Variants in CNTNAP5 observed in about 807,000 individuals in gnomAD.
CNTNAP5 encodes contactin associated protein family member 5, also known as contactin-associated protein-like 5.
A neutral mutation model predicts 150.2 loss-of-function variants in CNTNAP5; 72 were observed. The ratio of observed to expected loss-of-function variants is 0.48; its 90% CI spans 0.40 to 0.58. The LOEUF is 0.58. Ranked by LOEUF, CNTNAP5 falls within the 20% of genes least tolerant of loss-of-function variation. CNTNAP5 has a pLI of 0.00. For synonymous variants in CNTNAP5, 672 were observed against 619.8 expected (o/e 1.08, Z -1.25); for missense variants, 1,636 against 1,626.2 (o/e 1.01, Z -0.10).
At chr2:124,819,825 C>T (rs1258494051) in intron 19 of CNTNAP5, among the ~76,000 whole-genome samples, 1 of 152,168 alleles carries the variant, frequency 6.6e-6, no homozygotes, top group African/African-American at 2.4e-5. Context: ...GGCCTCGATG[C>T]CATATGTCCC....
chr2:124,506,191 G>GAAAAA (rs541248963), intron 8 of CNTNAP5, among the ~76,000 whole-genome samples: 4 of 129,296 alleles, frequency 3.1e-5, no homozygotes, highest in Admixed American at 7.7e-5. Flanking sequence ...GACTTTTAAA[G>GAAAAA]AAAAAAAAAA....
In CNTNAP5 at chr2:124,618,344, A is replaced by G. The variant is rs376755197; in HGVS notation, c.1876+8424A>G. 7.9e-5 allele frequency among the ~76,000 whole-genome samples: 12 copies of G among 152,290 alleles called. No individual in the cohort carries two copies. In the South Asian group the frequency reaches 1.7e-3, roughly 21 times the overall value. ...ATGCATGGACCTTAGCACTGACCCCATATCTTGAGGACAGTGGATCTCTCG... is the reference window on the plus strand; with the variant it reads ...ATGCATGGACCTTAGCACTGACCCCGTATCTTGAGGACAGTGGATCTCTCG... On this transcript the variant is annotated intron_variant, in intron 12 of 23. Transcript: ENST00000682447.
chr2:124,153,781 T>G (rs976347068), intron 1 of CNTNAP5, among the ~76,000 whole-genome samples: 2 of 151,768 alleles, frequency 1.3e-5, no homozygotes, highest in African/African-American at 4.8e-5. Flanking sequence ...CGCTAATTTT[T>G]GTATTTTTTA....
At chr2:124,893,302 G>A (rs903267876) in intron 21 of CNTNAP5, among the ~76,000 whole-genome samples, 2 of 152,088 alleles carry the variant, frequency 1.3e-5, no homozygotes, top group East Asian at 3.9e-4. Context: ...GGCCCTTAAA[G>A]CAGAATTTAG....
intron 11 of CNTNAP5, among the ~76,000 whole-genome samples, chr2:124,565,538 G>GAATAACA (rs200595082): frequency 0.016 from 2,246 of 143,182 alleles, 64 homozygotes; most frequent in African/African-American, 0.055. Flanking sequence ...AAGAACAATA[G>GAATAACA]AATAACAGAG....
In CNTNAP5 at chr2:124,487,168, G is replaced by T. The variant is rs144451548; in HGVS notation, c.1062+12286G>T. Among the ~76,000 whole-genome samples the T allele has an allele frequency of 2.0e-5, 3 of 152,126 alleles. No homozygotes were observed. In the East Asian group the frequency reaches 5.8e-4, roughly 29 times the overall value. Reference sequence around the variant, plus strand: ...TCCCTGATGCTGTAACAAGGTCCAAGATATGCCCTGTGTCAGCCTAGGAAG... The same window carrying T: ...TCCCTGATGCTGTAACAAGGTCCAATATATGCCCTGTGTCAGCCTAGGAAG... On this transcript the variant is annotated intron_variant, in intron 7 of 23. Transcript: ENST00000682447.
chr2:124,705,227 G>A (rs1679609285), intron 13 of CNTNAP5, among the ~76,000 whole-genome samples: 1 of 152,078 alleles, frequency 6.6e-6, no homozygotes, highest in African/African-American at 2.4e-5. Flanking sequence ...TACATTTGCT[G>A]TATTTAAATC....
chr2:124,261,271 C>T (rs1276679713), intron 3 of CNTNAP5, among the ~76,000 whole-genome samples: 2 of 152,048 alleles, frequency 1.3e-5, no homozygotes, highest in East Asian at 3.9e-4. Flanking sequence ...AAATATCCTC[C>T]CTACATAAAA....
At chr2:124,383,962 G>A (rs866226774) in intron 3 of CNTNAP5, among the ~76,000 whole-genome samples, 9 of 152,034 alleles carry the variant, frequency 5.9e-5, no homozygotes, top group Middle Eastern at 3.2e-3. Context: ...TAGTTTTGCT[G>A]TGGAGTTTTT....
intron 12 of CNTNAP5, among the ~76,000 whole-genome samples, chr2:124,611,608 G>T (rs914785069): frequency 6.6e-6 from 1 of 152,074 alleles, no homozygotes; most frequent in Admixed American, 6.6e-5. Flanking sequence ...TTAACATATG[G>T]ACTCTTGCTA....
At chr2:124,443,568 G>A (rs1263572479) in intron 5 of CNTNAP5, among the ~76,000 whole-genome samples, 1 of 152,036 alleles carries the variant, frequency 6.6e-6, no homozygotes, top group African/African-American at 2.4e-5. Flanking sequence ...ATGAGCAGAT[G>A]GAGGAAGTGA....
At chr2:124,257,117 G>A (rs944968094) in intron 3 of CNTNAP5, among the ~76,000 whole-genome samples, 5 of 152,156 alleles carry the variant, frequency 3.3e-5, no homozygotes, top group Admixed American at 6.6e-5. Context: ...TTCTTCCCTG[G>A]GGTTTTCAGA....
intron 11 of CNTNAP5, among the ~76,000 whole-genome samples, chr2:124,591,887 A>AATTCCTTTCCAT (rs1386504637): frequency 2.0e-5 from 3 of 152,160 alleles, no homozygotes; most frequent in Non-Finnish European, 4.4e-5. Flanking sequence ...TTCTCTATAC[A>AATTCCTTTCCAT]TAACCTTTAT....
intron 3 of CNTNAP5, among the ~76,000 whole-genome samples, chr2:124,249,876 G>T (rs1276886418): frequency 1.3e-5 from 2 of 152,014 alleles, no homozygotes; most frequent in Non-Finnish European, 2.9e-5. Context: ...AGTCAATGAT[G>T]CTAGCTAGGT....
intron 1 of CNTNAP5, among the ~76,000 whole-genome samples, chr2:124,127,025 C>A (rs544925563): frequency 9.8e-5 from 15 of 152,286 alleles, no homozygotes; most frequent in African/African-American, 1.4e-4. Context: ...TCTCTCACCA[C>A]TCTTATTCAA....
At chr2:124,655,986 AG>A (rs1221349845) in intron 13 of CNTNAP5, among the ~76,000 whole-genome samples, 53 of 149,072 alleles carry the variant, frequency 3.6e-4, no homozygotes, top group Non-Finnish European at 6.4e-4. Context: ...AAAGAAAGAA[AG>A]AAAGAAAGAA....
intron 6 of CNTNAP5, among the ~76,000 whole-genome samples, chr2:124,472,365 A>G (rs1274604329): frequency 6.6e-6 from 1 of 152,028 alleles, no homozygotes; most frequent in African/African-American, 2.4e-5. Flanking sequence ...AGTGTTATGT[A>G]TAGCTGAGAA....
At chr2:124,461,583 C>T (rs533848969) in intron 6 of CNTNAP5, among the ~76,000 whole-genome samples, 49 of 150,854 alleles carry the variant, frequency 3.2e-4, no homozygotes, top group Admixed American at 1.2e-3. Context: ...TGCTAGATGA[C>T]GAGTTAGTGG....
chr2:124,052,572 C>T (rs1457221637), intron 1 of CNTNAP5, among the ~76,000 whole-genome samples: 1 of 152,210 alleles, frequency 6.6e-6, no homozygotes, highest in Non-Finnish European at 1.5e-5. Context: ...AGTTCCCATT[C>T]AACAATTATT....
Sources: allele counts gnomAD v4.1 joint callset (sites outside exome capture counted in the v4.1 genomes callset), GRCh38; gene constraint gnomAD v4.1.1; transcripts MANE v1.5; gene names NCBI Gene and HGNC (gene_info 2026-07-23, HGNC 2026-07-21).